Variants in OSMR observed in about 807,000 individuals in gnomAD.
The protein encoded by OSMR is oncostatin-M-specific receptor subunit beta.
A neutral mutation model predicts 99.9 loss-of-function variants in OSMR; 81 were observed. That is an observed-to-expected ratio of 0.81 (90% CI 0.68 to 0.97). OSMR has a LOEUF of 0.97. Ranked by LOEUF, OSMR falls within the 50% of genes least tolerant of loss-of-function variation. The probability of loss-of-function intolerance (pLI) is 0.00; values close to 1 mark genes in which losing one functional copy is unlikely to be tolerated. For missense variants in OSMR, 1,099 were observed against 1,153.4 expected (o/e 0.95, Z 0.68); for synonymous variants, 406 against 410.4 (o/e 0.99, Z 0.13).
chr5:38,900,793 G>C (rs187117484), intron 7 of OSMR, among the ~76,000 whole-genome samples: 1 of 152,306 alleles, frequency 6.6e-6, no homozygotes, highest in African/African-American at 2.4e-5. Context: ...GTTGACCTTT[G>C]TGCATGGTTG....
chr5:38,880,291 C>T (rs1053889532), intron 3 of OSMR, among the ~76,000 whole-genome samples: 1 of 152,136 alleles, frequency 6.6e-6, no homozygotes, highest in African/African-American at 2.4e-5. Context: ...TTATTATTCG[C>T]CCTTAGAAAC....
chr5:38,887,812 G>A (rs759756848), intron 7 of OSMR, among the ~76,000 whole-genome samples: 2 of 152,204 alleles, frequency 1.3e-5, no homozygotes, highest in Non-Finnish European at 2.9e-5. Flanking sequence ...CTTCCTGTGC[G>A]TGGACATAGT....
At chr5:38,916,187 T>C (rs1745886322) in intron 9 of OSMR, among the ~76,000 whole-genome samples, 1 of 152,214 alleles carries the variant, frequency 6.6e-6, no homozygotes, top group African/African-American at 2.4e-5. Context: ...TTTTTATCAA[T>C]CAATGATTAA....
chr5:38,905,205 A>C (rs1447122307), intron 9 of OSMR, among the ~76,000 whole-genome samples: 1 of 152,098 alleles, frequency 6.6e-6, no homozygotes, highest in African/African-American at 2.4e-5. Context: ...ACATCGTAAT[A>C]ATCTTAGGAG....
At chr5:38,928,658 A>G (rs1193653450) in intron 15 of OSMR, among the ~76,000 whole-genome samples, 2 of 152,096 alleles carry the variant, frequency 1.3e-5, no homozygotes, top group Non-Finnish European at 2.9e-5. Flanking sequence ...TGGGAGCTAC[A>G]ATTTGAGATG....
At chr5:38,904,233 A>C in intron 8 of OSMR, 120 bp from the exon 9 acceptor site, 8 of 1,541,272 alleles carry the variant, frequency 5.2e-6, no homozygotes, top group African/African-American at 1.4e-5. Context: ...AGAAGAACTG[A>C]TCTTACTCCA....
chr5:38,898,149 T>C (rs1744643360), intron 7 of OSMR, among the ~76,000 whole-genome samples: 1 of 152,166 alleles, frequency 6.6e-6, no homozygotes, highest in African/African-American at 2.4e-5. Flanking sequence ...ATCAGATATT[T>C]CTTTGTTGAT....
At chr5:38,878,939 GCCTGT>G (rs1743046864) in intron 3 of OSMR, among the ~76,000 whole-genome samples, 1 of 152,216 alleles carries the variant, frequency 6.6e-6, no homozygotes, top group Non-Finnish European at 1.5e-5. Flanking sequence ...CAGAGTTTTA[GCCTGT>G]GCTCCCAGAT....
At chr5:38,924,997 A>AT (rs894313152) in intron 14 of OSMR, 2 of 756,390 alleles carry the variant, frequency 2.6e-6, no homozygotes, top group African/African-American at 3.8e-5. Flanking sequence ...TGTTCAGTGG[A>AT]TTTTTTGCTT....
At chr5:38,861,934 A>C (rs1579639035) in intron 1 of OSMR, among the ~76,000 whole-genome samples, 12 of 83,796 alleles carry the variant, frequency 1.4e-4, no homozygotes, top group East Asian at 5.7e-4. Flanking sequence ...TGACCCCCCC[A>C]CCTCCCACCC....
chr5:38,904,245 G>T, intron 8 of OSMR, 108 bp from the exon 9 acceptor site: 1 of 1,544,958 alleles, frequency 6.5e-7, no homozygotes. Context: ...CTTACTCCAG[G>T]TCAGGATTTG....
intron 1 of OSMR, chr5:38,942,054 G>C (rs1747626443): frequency 2.8e-6 from 1 of 353,762 alleles, no homozygotes; most frequent in Non-Finnish European, 5.1e-6. Context: ...TGCATACAAT[G>C]GTAACTGAAA....
At chr5:38,942,391 T>C (rs1747665003) in intron 1 of OSMR, 1 of 1,538,790 alleles carries the variant, frequency 6.5e-7, no homozygotes, top group South Asian at 1.2e-5. Flanking sequence ...AGGGAAAAAA[T>C]GGTGTATCAT....
chr5:38,894,886 C>T (rs1012813855), intron 7 of OSMR, among the ~76,000 whole-genome samples: 6 of 151,930 alleles, frequency 3.9e-5, no homozygotes, highest in African/African-American at 1.2e-4. Flanking sequence ...ACACTCCACC[C>T]ATCAACCACA....
At chr5:38,927,888 C>G (rs115101740) in intron 15 of OSMR, among the ~76,000 whole-genome samples, 2,281 of 152,300 alleles carry the variant, frequency 0.015, 53 homozygotes, top group African/African-American at 0.051. Flanking sequence ...ATGCTTTTCT[C>G]TGTAGAAATT....
chr5:38,870,396 A>C (rs1314759664), intron 2 of OSMR, among the ~76,000 whole-genome samples: 1 of 144,294 alleles, frequency 6.9e-6, no homozygotes, highest in Non-Finnish European at 1.5e-5. Flanking sequence ...CAGTGGCGCG[A>C]TCTCGGCTCA....
intron 9 of OSMR, 33 bp from the exon 10 acceptor site, chr5:38,917,513 G>A (rs772842750): frequency 3.7e-6 from 6 of 1,609,212 alleles, no homozygotes; most frequent in Non-Finnish European, 4.3e-6. Context: ...CATACATATT[G>A]TGACTCAAGA....
intron 9 of OSMR, among the ~76,000 whole-genome samples, chr5:38,916,006 T>G (rs775884532): frequency 6.6e-6 from 1 of 152,232 alleles, no homozygotes; most frequent in Non-Finnish European, 1.5e-5. Flanking sequence ...ATGAATGTTT[T>G]AAATTCTCTT....
At chr5:38,846,794 G>C (rs1192674136) in intron 1 of OSMR, among the ~76,000 whole-genome samples, 1 of 152,160 alleles carries the variant, frequency 6.6e-6, no homozygotes, top group African/African-American at 2.4e-5. Context: ...TCTACATTCT[G>C]GAAACCTAGG....
Sources: gnomAD v4.1 joint callset for allele counts (sites outside exome capture counted in the v4.1 genomes callset) on GRCh38, gnomAD v4.1.1 for gene constraint, MANE v1.5 for transcripts, NCBI Gene and HGNC (gene_info 2026-07-23, HGNC 2026-07-21) for gene names.